The following WDR62 variants were observed in gnomAD, a reference collection of about 807,000 sequenced individuals.
WDR62 encodes the protein WD repeat-containing protein 62.
Under a neutral mutation model 160.6 loss-of-function variants are expected in WDR62, and 112 were observed. That is an observed-to-expected ratio of 0.70 (90% CI 0.60 to 0.82). The LOEUF is 0.82. Among genes scored for constraint, WDR62 ranks in the 40% least tolerant of loss-of-function variants. The pLI, the probability that WDR62 is intolerant of heterozygous loss-of-function variation, is 0.00. For missense variants in WDR62, 1,819 were observed against 1,983.8 expected, an observed-to-expected ratio of 0.92 and a Z score of 1.58; for synonymous variants, 792 against 815.1, an observed-to-expected ratio of 0.97 and a Z score of 0.48.
In WDR62 at chr19:36,104,994, T is replaced by C; in HGVS notation, c.4538T>C (p.Val1513Ala). Residue 1513 changes from valine (V) to alanine (A), a missense_variant, in exon 32 of 32, where the codon GTG becomes GCG. Val to Ala is a moderately conservative substitution (Grantham distance 64, BLOSUM62 0). This residue lies in a region of WDR62 where 770 missense variants were observed against 734.2 expected (regional missense o/e 1.05). Coordinates refer to ENST00000401500, the MANE Select transcript of WDR62 (RefSeq NM_001083961.2). Reference protein sequence around the residue: ...ALLEHYSELLVQAVRRKARGH With the variant: ...ALLEHYSELLAQAVRRKARGH ...CTGGAACACTACTCGGAGCTGCTGG[T>C]GCAGGCCGTGCGGAGGAAGGCACGG... 1 of 1,601,966 alleles carries C rather than the reference T, an allele frequency of 6.2e-7. No individual in the cohort carries two copies. Among genetic ancestry groups the C allele is most frequent in the Non-Finnish European group, 8.5e-7 (1 of 1,177,436 alleles).
In WDR62 at chr19:36,083,151, C is replaced by T. The variant is rs781616169; in HGVS notation, c.1460C>T (p.Thr487Ile). The T allele has an allele frequency of 5.6e-6, 9 of 1,613,430 alleles. No homozygotes were observed. The East Asian group carries it at 1.6e-4, about 28-fold the overall frequency. Residue 487 changes from threonine to isoleucine, a missense_variant, in exon 11 of 32, where the codon ACA (threonine) becomes ATA (isoleucine). Around this residue, in one of 3 missense-constraint regions of WDR62, gnomAD observed 934 missense variants for 1,157.2 expected, o/e 0.81. Transcript: ENST00000401500. ...CCAGACCGGGGGAGCGAGAATGGGA[C>T]ACCCATGGACGTGAAAGCCGGGGTG... ...HFPDRGSENGTPMDVKAGVRV... is the reference protein window; with the variant it reads ...HFPDRGSENGIPMDVKAGVRV...
rs746909693 is a variant in WDR62 at position 36,102,012 on chromosome 19, A to T, written c.3083-2A>T. On this transcript the variant is annotated splice_acceptor_variant, in intron 25 of 31. Transcript: ENST00000401500. LOFTEE classifies it high-confidence loss of function. ...CTTGTCCCTCCCCTCCTTCCCTGTCAGGATGCGCAGGTCCCACAGAAGATG... is the reference window on the plus strand; with the variant it reads ...CTTGTCCCTCCCCTCCTTCCCTGTCTGGATGCGCAGGTCCCACAGAAGATG... The T allele has an allele frequency of 2.5e-6, 4 of 1,614,058 alleles. No individual in the cohort carries two copies. The highest frequency in any genetic ancestry group is 3.4e-6 in the Non-Finnish European group (4 of 1,180,008).
intron 3 of WDR62, chr19:36,060,603 C>T (rs1010984017): frequency 6.2e-6 from 1 of 161,418 alleles, no homozygotes; most frequent in Non-Finnish European, 1.4e-5. Flanking sequence ...TGTAGAGGGT[C>T]TGCATAGCAT....
intron 11 of WDR62, among the ~76,000 whole-genome samples, chr19:36,084,386 CT>C (rs1972079639): frequency 6.6e-6 from 1 of 152,146 alleles, no homozygotes; most frequent in African/African-American, 2.4e-5. Flanking sequence ...ACCTGCCCCC[CT>C]AGAAGACTGT....
At position 36,103,615 on chromosome 19, in the gene WDR62, C is replaced by T. The variant is rs761526430; in HGVS notation, c.3787C>T (p.Gln1263Ter). 1 of 1,611,020 alleles carries T rather than the reference C, an allele frequency of 6.2e-7. No homozygotes were observed. Among genetic ancestry groups the T allele is most frequent in the Non-Finnish European group, 8.5e-7 (1 of 1,179,570 alleles). The change falls in exon 30 of 32, where the codon CAG becomes TAG. Residue 1263 changes from glutamine to a stop codon, truncating the protein, a stop_gained. Coordinates refer to ENST00000401500, the MANE Select transcript of WDR62 (RefSeq NM_001083961.2). LOFTEE classifies it high-confidence loss of function. ...CGTTGGGGAGCTGGCCTCCTTGGGC[C>T]AGGAGCTTCAGGCCATCACCACCGC... is the stretch of plus-strand genomic sequence containing the variant. Reference protein sequence around the residue: ...SSVGELASLGQELQAITTATT... With the variant: ...SSVGELASLG
intron 3 of WDR62, 146 bp downstream of exon 3, chr19:36,060,176 C>G (rs953319961): frequency 7.3e-6 from 6 of 825,902 alleles, no homozygotes; most frequent in Non-Finnish European, 1.2e-5. Context: ...GTGCTGGGTG[C>G]TGTTCCGTGT....
At chr19:36,063,353 G>A (rs1033198893) in intron 3 of WDR62, among the ~76,000 whole-genome samples, 1 of 152,132 alleles carries the variant, frequency 6.6e-6, no homozygotes, top group African/African-American at 2.4e-5. Flanking sequence ...GGGTTCAAGC[G>A]ATTCTCTGCC....
intron 9 of WDR62, among the ~76,000 whole-genome samples, chr19:36,080,971 G>A (rs542356666): frequency 6.6e-6 from 1 of 152,026 alleles, no homozygotes; most frequent in Non-Finnish European, 1.5e-5. Context: ...CTGTCTGTTT[G>A]TTTTGAGACA....
At chr19:36,104,387 AG>A in intron 30 of WDR62, 130 bp from the exon 31 acceptor site, 1 of 1,179,766 alleles carries the variant, frequency 8.5e-7, no homozygotes, top group Non-Finnish European at 1.2e-6. Context: ...GTAGGAGTGA[AG>A]GGGAGGGAGC....
intron 6 of WDR62, 88 bp from the exon 7 acceptor site, chr19:36,067,740 G>A (rs1971018322): frequency 6.9e-7 from 1 of 1,452,378 alleles, no homozygotes; most frequent in African/African-American, 1.4e-5. Context: ...GCTTCTTAGA[G>A]TTCTCCTGTT....
intron 7 of WDR62, chr19:36,070,550 C>A (rs1458478715): frequency 1.3e-5 from 2 of 152,262 alleles, no homozygotes; most frequent in Non-Finnish European, 2.9e-5. Context: ...ATTTGGCTAT[C>A]CGCCCGAGCG....
downstream of WDR62, among the ~76,000 whole-genome samples, chr19:36,107,879 C>T (rs1973742509): frequency 6.6e-6 from 1 of 152,028 alleles, no homozygotes; most frequent in Admixed American, 6.6e-5. Context: ...AGCATGTGTG[C>T]ATGTGGTTTG....
intron 5 of WDR62, 46 bp from the exon 6 acceptor site, chr19:36,067,260 A>G (rs1970989422): frequency 1.9e-6 from 3 of 1,613,572 alleles, no homozygotes; most frequent in Middle Eastern, 1.7e-4. Context: ...CAAACAGTCC[A>G]GTGGAATGAG....
Position 36,104,515 on chromosome 19 carries a change from C to G in WDR62, c.4154-3C>G, listed in dbSNP as rs774754662. On this transcript the variant is annotated splice_region_variant and splice_polypyrimidine_tract_variant and intron_variant, in intron 30 of 31. Coordinates refer to ENST00000401500, the MANE Select transcript of WDR62 (RefSeq NM_001083961.2). ...CTTGCTCATTCCCTTCTCTCTACCCCAGGTGCACTTGGTCTGTTACAGGGC... is the reference window on the plus strand; with the variant it reads ...CTTGCTCATTCCCTTCTCTCTACCCGAGGTGCACTTGGTCTGTTACAGGGC... 1 of 1,613,638 alleles carries G rather than the reference C, an allele frequency of 6.2e-7. No individual in the cohort carries two copies. The highest frequency in any genetic ancestry group is 8.5e-7 in the Non-Finnish European group (1 of 1,179,876).
chr19:36,064,866 C>A (rs1237604624), intron 3 of WDR62, among the ~76,000 whole-genome samples: 1 of 152,214 alleles, frequency 6.6e-6, no homozygotes, highest in Non-Finnish European at 1.5e-5. Context: ...AGGCGTGAGG[C>A]ACCGCACCCG....
intron 2 of WDR62, 186 bp downstream of exon 2, chr19:36,059,057 T>C (rs1970511262): frequency 1.4e-6 from 1 of 712,234 alleles, no homozygotes; most frequent in Non-Finnish European, 2.6e-6. Context: ...GTTCCTGGCA[T>C]GTAGTGAGTG....
At chr19:36,105,430 C>A (rs767646577), downstream of WDR62, among the ~76,000 whole-genome samples, 3 of 152,050 alleles carry the variant, frequency 2.0e-5, no homozygotes, top group Non-Finnish European at 4.4e-5. Context: ...GCCTACCTTG[C>A]CCAGCAGTCC....
intron 3 of WDR62, chr19:36,061,691 G>A (rs1970653910): frequency 6.6e-6 from 1 of 152,184 alleles, no homozygotes; most frequent in African/African-American, 2.4e-5. Context: ...GGCCACCAGT[G>A]GGTGTGCATT....
At position 36,088,903 on chromosome 19, in the gene WDR62, C is replaced by A. The variant is rs1056467604; in HGVS notation, c.1769-135C>A. Reference sequence around the variant, plus strand: ...CTTACAGAGTCCCACCCAGACCCAGCACCCACCTCACCACCTTTAGGAAGC... The same window carrying A: ...CTTACAGAGTCCCACCCAGACCCAGAACCCACCTCACCACCTTTAGGAAGC... On this transcript the variant is annotated intron_variant, in intron 13 of 31. Transcript: ENST00000401500. 2.3e-5 allele frequency: 22 copies of A among 962,480 alleles called. No individual in the cohort carries two copies. In the African/African-American group the frequency reaches 3.6e-4, roughly 16 times the overall value. 59.6% of individuals were successfully genotyped at this position (962,480 alleles called of 1,614,324 possible).
Sources: gnomAD v4.1 joint callset for allele counts (sites outside exome capture counted in the v4.1 genomes callset) on GRCh38, gnomAD v4.1.1 for gene constraint, gnomAD v4.1.1 regional missense constraint, MANE v1.5 for transcripts, NCBI Gene and HGNC (gene_info 2026-07-23, HGNC 2026-07-21) for gene names.